GMEB1: variants seen among roughly 807,000 people sequenced by gnomAD.
GMEB1 encodes the protein glucocorticoid modulatory element-binding protein 1.
A neutral mutation model predicts 52.4 loss-of-function variants in GMEB1; 6 were observed. The ratio of observed to expected loss-of-function variants is 0.11; its 90% CI spans 0.06 to 0.23. The LOEUF is 0.23. GMEB1 is among the 10% of genes least tolerant of loss of function. The pLI, the probability that GMEB1 is intolerant of heterozygous loss-of-function variation, is 1.00. For missense variants in GMEB1, 486 were observed against 685.6 expected (o/e 0.71, Z 3.25); for synonymous variants, 255 against 244.9 (o/e 1.04, Z -0.38).
chr1:28,696,918 T>C lies in GMEB1; in HGVS notation c.441-9T>C. On this transcript the variant is annotated splice_polypyrimidine_tract_variant and intron_variant, in intron 5 of 9. Transcript: ENST00000373816. ...GCTGAACTGGTACTTCTTGTCTCCC[T>C]TTGCACAGGAAAATGATGGACTCCG... The C allele has an allele frequency of 6.2e-7, 1 of 1,601,428 alleles. No homozygotes were observed. Among genetic ancestry groups the C allele is most frequent in the Non-Finnish European group, 8.5e-7 (1 of 1,172,156 alleles).
chr1:28,687,387 C>CAA lies in GMEB1; in HGVS notation c.129-2711_129-2710dup, dbSNP rs1242840628. On this transcript the variant is annotated intron_variant, in intron 2 of 9. Transcript: ENST00000373816. ...ACACACACACACACACACACACACA[C>CAA]AAAAAAAGACAGTGGAGAATAATGT... Among the ~76,000 whole-genome samples the CAA allele has an allele frequency of 2.1e-3, 85 of 41,128 alleles. 14 individuals carry two copies. Among genetic ancestry groups the CAA allele is most frequent in the East Asian group, 6.9e-3 (5 of 722 alleles). 27.0% of individuals were successfully genotyped at this position (41,128 alleles called of 152,430 possible). A position where few individuals can be genotyped will look rare whatever the true frequency, so the allele number is the denominator to read the frequency against.
At position 28,710,539 on chromosome 1, in the gene GMEB1, T is replaced by C. The variant is rs761172616; in HGVS notation, c.888T>C (p.Asn296=). The C allele has an allele frequency of 1.2e-5, 20 of 1,609,422 alleles. No individual in the cohort carries two copies. The highest frequency in any genetic ancestry group is 2.7e-5 in the African/African-American group (2 of 74,728). ...FQVTDAAVLN[N]VAHTFGLMDT... ...AAATAGATGCTGCTGTTCTCAACAA[T>C]GTAGCACACACATTTGGCCTAATGG... The change falls in exon 9 of 10, where the codon AAT becomes AAC. Residue 296 remains asparagine (N), a synonymous_variant. Coordinates refer to ENST00000373816, the MANE Select transcript of GMEB1 (RefSeq NM_001319674.2).
chr1:28,671,457 G>A (rs539044072), intron 1 of GMEB1, among the ~76,000 whole-genome samples: 5 of 152,146 alleles, frequency 3.3e-5, no homozygotes, highest in Non-Finnish European at 7.4e-5. Flanking sequence ...ATTTATGCCT[G>A]TAATGCCAGC....
chr1:28,675,309 G>A (rs112616772), intron 1 of GMEB1, among the ~76,000 whole-genome samples: 2,469 of 151,640 alleles, frequency 0.016, 58 homozygotes, highest in African/African-American at 0.056. Flanking sequence ...GAGCCACCGC[G>A]CCCGGCCCCA....
chr1:28,669,895 T>TG, intron 1 of GMEB1, among the ~76,000 whole-genome samples: 1 of 152,250 alleles, frequency 6.6e-6, no homozygotes, highest in African/African-American at 2.4e-5. Flanking sequence ...CGAGGGTCTT[T>TG]GGAGGATGAT....
At chr1:28,674,982 G>T (rs1175633014) in intron 1 of GMEB1, among the ~76,000 whole-genome samples, 1 of 139,244 alleles carries the variant, frequency 7.2e-6, no homozygotes, top group Non-Finnish European at 1.5e-5. Context: ...GCCTCCCAAA[G>T]TGCTGGGATT....
chr1:28,707,693 CTA>C (rs1670846372), intron 8 of GMEB1, among the ~76,000 whole-genome samples: 4 of 152,140 alleles, frequency 2.6e-5, no homozygotes, highest in South Asian at 4.1e-4. Flanking sequence ...ATTGAGATGA[CTA>C]TTAGACCATC....
intron 1 of GMEB1, among the ~76,000 whole-genome samples, chr1:28,683,367 A>G (rs1263873429): frequency 1.3e-5 from 2 of 152,054 alleles, no homozygotes; most frequent in Non-Finnish European, 2.9e-5. Context: ...AGGGGATTAC[A>G]GATACGCTCC....
At chr1:28,710,445 T>C (rs1055273925) in intron 8 of GMEB1, 75 bp from the exon 9 acceptor site, 1 of 1,203,818 alleles carries the variant, frequency 8.3e-7, no homozygotes, top group Non-Finnish European at 1.1e-6. Context: ...TTGTTTCATA[T>C]TTATAAACAG....
intron 2 of GMEB1, among the ~76,000 whole-genome samples, chr1:28,686,427 G>A (rs944749666): frequency 3.3e-5 from 5 of 151,856 alleles, no homozygotes; most frequent in African/African-American, 4.8e-5. Context: ...TCAGGAGTTC[G>A]AGACCAGCCT....
Position 28,710,711 on chromosome 1 carries a change from GA to G in GMEB1, c.991+70del, listed in dbSNP as rs1224828777. 13 of 1,139,850 alleles carry G rather than the reference GA, an allele frequency of 1.1e-5. No homozygotes were observed. The African/African-American group carries it at 2.2e-4, about 19-fold the overall frequency. The allele number at this position is 1,139,850 out of a possible 1,614,324, so 70.6% of individuals were successfully genotyped here. On this transcript the variant is annotated intron_variant, in intron 9 of 9. Transcript: ENST00000373816. ...ATTCTTGTCTTCCCATTTTCTTGTT[GA>G]CTTTTGTTGGGGTAACTTTTTTTTT...
chr1:28,681,906 G>T (rs1188342554), intron 1 of GMEB1, among the ~76,000 whole-genome samples: 1 of 151,944 alleles, frequency 6.6e-6, no homozygotes, highest in Non-Finnish European at 1.5e-5. Context: ...GTTTCTCCAG[G>T]TTGGTCAGGC....
chr1:28,673,640 G>A (rs1447184447), intron 1 of GMEB1, among the ~76,000 whole-genome samples: 1 of 152,162 alleles, frequency 6.6e-6, no homozygotes, highest in Admixed American at 6.6e-5. Flanking sequence ...TTTAGAGTGG[G>A]TCAGAAATCA....
At chr1:28,701,962 T>C (rs1026652864) in intron 6 of GMEB1, among the ~76,000 whole-genome samples, 2 of 152,144 alleles carry the variant, frequency 1.3e-5, no homozygotes, top group Non-Finnish European at 2.9e-5. Flanking sequence ...TTTCTTTTAC[T>C]TTCTCTTTAT....
At chr1:28,694,382 G>A (rs985782306) in intron 5 of GMEB1, among the ~76,000 whole-genome samples, 21 of 150,682 alleles carry the variant, frequency 1.4e-4, no homozygotes, top group African/African-American at 4.6e-4. Flanking sequence ...TTTTAATAGA[G>A]ACGGGGTTTC....
intron 6 of GMEB1, among the ~76,000 whole-genome samples, chr1:28,698,705 G>C (rs1285270225): frequency 6.7e-6 from 1 of 148,948 alleles, no homozygotes; most frequent in African/African-American, 2.5e-5. Context: ...ATGCTTTGCA[G>C]CTGTGCTTTG....
At position 28,702,430 on chromosome 1, in the gene GMEB1, G is replaced by A. The variant is rs1338531122; in HGVS notation, c.599-8G>A. 2 of 1,612,836 alleles carry A rather than the reference G, an allele frequency of 1.2e-6. No homozygotes were observed. Among genetic ancestry groups the A allele is most frequent in the East Asian group, 2.2e-5 (1 of 44,830 alleles). On this transcript the variant is annotated splice_polypyrimidine_tract_variant and splice_region_variant and intron_variant, in intron 6 of 9. Coordinates refer to ENST00000373816, the MANE Select transcript of GMEB1 (RefSeq NM_001319674.2). ...TCACTGTTCTCACCTCTACTGGACT[G>A]TTTTTAGGTAGCATCACGCAGATTG...
At chr1:28,699,217 T>C (rs1670377656) in intron 6 of GMEB1, among the ~76,000 whole-genome samples, 1 of 152,142 alleles carries the variant, frequency 6.6e-6, no homozygotes, top group Non-Finnish European at 1.5e-5. Flanking sequence ...AACTTCAGTA[T>C]TGTTGAGTTT....
chr1:28,696,248 A>G (rs1185646078), intron 5 of GMEB1, among the ~76,000 whole-genome samples: 1 of 151,546 alleles, frequency 6.6e-6, no homozygotes, highest in Non-Finnish European at 1.5e-5. Flanking sequence ...TGTATTTTTT[A>G]TAGAAATGTG....
Sources: allele counts gnomAD v4.1 joint callset (sites outside exome capture counted in the v4.1 genomes callset), GRCh38; gene constraint gnomAD v4.1.1; transcripts MANE v1.5; gene names NCBI Gene and HGNC (gene_info 2026-07-23, HGNC 2026-07-21).